The following SNX29 variants were observed in gnomAD, a reference collection of about 807,000 sequenced individuals.
SNX29 encodes the protein sorting nexin-29.
In SNX29, 78 loss-of-function variants were observed where a neutral mutation model predicts 102.1. That is an observed-to-expected ratio of 0.76 (90% CI 0.64 to 0.92). The LOEUF is 0.92. Among genes scored for constraint, SNX29 ranks in the 40% least tolerant of loss-of-function variants. The probability of loss-of-function intolerance (pLI) is 0.00; values close to 1 mark genes in which losing one functional copy is unlikely to be tolerated. For missense variants in SNX29, 1,280 were observed against 1,061.7 expected (o/e 1.21, Z -2.86); for synonymous variants, 580 against 414.5 (o/e 1.40, Z -4.85).
At chr16:12,547,452 G>C (rs947547698) in intron 20 of SNX29, among the ~76,000 whole-genome samples, 1 of 152,154 alleles carries the variant, frequency 6.6e-6, no homozygotes, top group Non-Finnish European at 1.5e-5. Flanking sequence ...TGGTGCCTCA[G>C]GCAGCCTGGG....
At chr16:12,197,853 CT>C (rs746331829) in intron 13 of SNX29, among the ~76,000 whole-genome samples, 277 of 143,268 alleles carry the variant, frequency 1.9e-3, no homozygotes, top group Middle Eastern at 3.6e-3. Flanking sequence ...GAGTTTGATC[CT>C]TTTTTTTTTT....
intron 20 of SNX29, among the ~76,000 whole-genome samples, chr16:12,542,728 C>A (rs1253200686): frequency 1.4e-5 from 2 of 138,000 alleles, no homozygotes; most frequent in Admixed American, 7.6e-5. Context: ...ACTCTTAAAT[C>A]TTGTGCATAT....
intron 19 of SNX29, among the ~76,000 whole-genome samples, chr16:12,518,686 C>G (rs1180058674): frequency 1.1e-4 from 16 of 152,208 alleles, no homozygotes; most frequent in Admixed American, 6.5e-5. Context: ...GGAAAAGGAT[C>G]CCAGCTAAAC....
intron 11 of SNX29, 94 bp downstream of exon 11, chr16:12,079,009 G>A (rs1310324480): frequency 9.8e-6 from 11 of 1,117,844 alleles, no homozygotes; most frequent in African/African-American, 6.2e-5. Flanking sequence ...CTGTGACTGT[G>A]GGTTCACGTC....
intron 15 of SNX29, among the ~76,000 whole-genome samples, chr16:12,300,575 A>G (rs902415185): frequency 3.3e-5 from 5 of 152,236 alleles, no homozygotes; most frequent in African/African-American, 7.2e-5. Context: ...GCTTTTCCCC[A>G]GCAGAGCAGC....
chr16:12,477,467 C>CT (rs2087709063), intron 18 of SNX29, among the ~76,000 whole-genome samples: 1 of 152,220 alleles, frequency 6.6e-6, no homozygotes, highest in Non-Finnish European at 1.5e-5. Context: ...CTGTGGATCT[C>CT]TGTTGATGTT....
rs184798361 is a variant in SNX29 at position 12,559,894 on chromosome 16, G to A, written c.2319-8612G>A. Among the ~76,000 whole-genome samples the A allele has an allele frequency of 1.3e-4, 20 of 152,264 alleles. No homozygotes were observed. The East Asian group carries it at 3.5e-3, about 26-fold the overall frequency. Reference sequence around the variant, plus strand: ...TTTCAGAGGCTGAGGCAGGAGAATGGCATGAATGCAGGAGGTGGAGCTTGC... The same window carrying A: ...TTTCAGAGGCTGAGGCAGGAGAATGACATGAATGCAGGAGGTGGAGCTTGC... On this transcript the variant is annotated intron_variant, in intron 20 of 20. Coordinates refer to ENST00000566228, the MANE Select transcript of SNX29 (RefSeq NM_032167.5).
At position 12,311,971 on chromosome 16, in the gene SNX29, T is replaced by C. The variant is rs544254546; in HGVS notation, c.1782+33935T>C. ...ATGAGGAACCGGGGCCCAGGTTTCT[T>C]CTGCTTTGTTACTCCACTGGCCTGT... is the stretch of plus-strand genomic sequence containing the variant. On this transcript the variant is annotated intron_variant, in intron 15 of 20. Coordinates refer to ENST00000566228, the MANE Select transcript of SNX29 (RefSeq NM_032167.5). Among the ~76,000 whole-genome samples the C allele has an allele frequency of 2.0e-5, 3 of 152,308 alleles. No homozygotes were observed. In the East Asian group the frequency reaches 5.8e-4, roughly 29 times the overall value.
chr16:12,027,591 T>C (rs1490717320), intron 4 of SNX29, 147 bp downstream of exon 4: 14 of 890,840 alleles, frequency 1.6e-5, no homozygotes, highest in Non-Finnish European at 2.3e-5. Context: ...GTCTTAATAG[T>C]AGTCAAAACG....
At chr16:12,352,408 C>T (rs1429563503) in intron 15 of SNX29, among the ~76,000 whole-genome samples, 2 of 151,940 alleles carry the variant, frequency 1.3e-5, no homozygotes, top group Admixed American at 1.3e-4. Context: ...GGAGGTATAC[C>T]TAATGCTAAA....
rs182077610 is a variant in SNX29, at chr16:12,378,295, A to T, written c.1900-20151A>T. Among the ~76,000 whole-genome samples the T allele has an allele frequency of 4.9e-4, 75 of 152,322 alleles. No homozygotes were observed. The East Asian group carries it at 0.014, about 28-fold the overall frequency. Reference sequence around the variant, plus strand: ...GCTGGTATGTGCAGAGATCACATCGATAAGAGTGAAAGCAAGAGAGTGGGG... The same window carrying T: ...GCTGGTATGTGCAGAGATCACATCGTTAAGAGTGAAAGCAAGAGAGTGGGG... On this transcript the variant is annotated intron_variant, in intron 16 of 20. Coordinates refer to ENST00000566228, the MANE Select transcript of SNX29 (RefSeq NM_032167.5).
At chr16:12,057,984 A>G (rs1259471115) in intron 8 of SNX29, among the ~76,000 whole-genome samples, 1 of 151,620 alleles carries the variant, frequency 6.6e-6, no homozygotes, top group East Asian at 1.9e-4. Flanking sequence ...CTCCCGGTTA[A>G]TTTTTTGTAT....
intron 18 of SNX29, among the ~76,000 whole-genome samples, chr16:12,457,932 ATACAT>A (rs2086609670): frequency 6.6e-6 from 1 of 152,230 alleles, no homozygotes; most frequent in Admixed American, 6.5e-5. Context: ...CTCTTTAAAC[ATACAT>A]TAGAGAGAGG....
intron 14 of SNX29, among the ~76,000 whole-genome samples, chr16:12,205,440 G>C (rs2077020865): frequency 6.6e-6 from 1 of 152,158 alleles, no homozygotes. Context: ...GGCCTTCAGT[G>C]CTTGTGATCT....
At position 12,007,739 on chromosome 16, in the gene SNX29, C is replaced by T. The variant is rs111280064; in HGVS notation, c.122+4696C>T. On this transcript the variant is annotated intron_variant, in intron 3 of 20. Coordinates refer to ENST00000566228, the MANE Select transcript of SNX29 (RefSeq NM_032167.5). The stretch of plus-strand genomic sequence containing the variant: ...GGCCGCTGCAGCCTTAGGCTCTTCC[C>T]ATTCGTTCTTGTCCTGCTTCCACCA... 6.6e-3 allele frequency among the ~76,000 whole-genome samples: 1,006 copies of T among 152,224 alleles called. 14 individuals are homozygous for T. Among genetic ancestry groups the T allele is most frequent in the African/African-American group, 0.023 (949 of 41,546 alleles).
chr16:12,055,637 T>A (rs1408494781), intron 8 of SNX29, among the ~76,000 whole-genome samples: 2 of 152,178 alleles, frequency 1.3e-5, no homozygotes, highest in African/African-American at 4.8e-5. Flanking sequence ...GAGTTGCAGT[T>A]CAGGTCCAGA....
Position 12,571,093 on chromosome 16 carries a change from G to C in SNX29, c.*2464G>C. The C allele has an allele frequency of 4.3e-6, 1 of 232,624 alleles. No individual in the cohort carries two copies. Among genetic ancestry groups the C allele is most frequent in the Non-Finnish European group, 8.5e-6 (1 of 117,636 alleles). The allele number at this position is 232,624 out of a possible 1,614,324, so 14.4% of individuals were successfully genotyped here. ...CCGCACATGACAGCAACTCCCCGAA[G>C]CCTTCCCTTTGGAATCCCATAGAAT... On this transcript the variant is annotated 3_prime_UTR_variant, in exon 21 of 21. Coordinates refer to ENST00000566228, the MANE Select transcript of SNX29 (RefSeq NM_032167.5).
chr16:12,046,658 T>C (rs1235095635), intron 6 of SNX29, among the ~76,000 whole-genome samples: 1 of 152,234 alleles, frequency 6.6e-6, no homozygotes, highest in African/African-American at 2.4e-5. Context: ...CTCACTCTGT[T>C]GCCCAGGCTG....
At chr16:12,346,284 A>G (rs569330408) in intron 15 of SNX29, among the ~76,000 whole-genome samples, 26 of 152,310 alleles carry the variant, frequency 1.7e-4, no homozygotes, top group African/African-American at 6.0e-4. Context: ...GTGGTACTGG[A>G]CACTTCTGCT....
Sources: gnomAD v4.1 joint callset for allele counts (sites outside exome capture counted in the v4.1 genomes callset) on GRCh38, gnomAD v4.1.1 for gene constraint, MANE v1.5 for transcripts, NCBI Gene and HGNC (gene_info 2026-07-23, HGNC 2026-07-21) for gene names.